Variants in NDUFAF2 observed in about 807,000 individuals in gnomAD.
NDUFAF2 encodes NADH:ubiquinone oxidoreductase complex assembly factor 2, also known as NADH dehydrogenase [ubiquinone] 1 alpha subcomplex assembly factor 2.
Under a neutral mutation model 22.8 loss-of-function variants are expected in NDUFAF2, and 13 were observed. That is an observed-to-expected ratio of 0.57 (90% CI 0.37 to 0.91). The LOEUF (loss-of-function observed/expected upper bound fraction) is 0.91, where lower values mean the gene tolerates loss of function less well. NDUFAF2 is among the 40% of genes least tolerant of loss of function. The pLI is 0.01. For synonymous variants in NDUFAF2, 53 were observed against 64.2 expected (o/e 0.83, Z 0.84); for missense variants, 162 against 195.2 (o/e 0.83, Z 1.01).
At chr5:61,105,536 A>G (rs1752751946) in intron 3 of NDUFAF2, among the ~76,000 whole-genome samples, 1 of 150,652 alleles carries the variant, frequency 6.6e-6, no homozygotes, top group Admixed American at 6.6e-5. Flanking sequence ...CCTGTTAAAC[A>G]TCATTCATTA....
At chr5:60,951,299 G>GGGATTACAGGAGTAAACCAGATGC (rs1401336458) in intron 1 of NDUFAF2, among the ~76,000 whole-genome samples, 1 of 152,134 alleles carries the variant, frequency 6.6e-6, no homozygotes, top group East Asian at 1.9e-4. Context: ...CCAAAGTGCT[G>GGGATTACAGGAGTAAACCAGATGC]GGATTACAGG....
intron 1 of NDUFAF2, among the ~76,000 whole-genome samples, chr5:61,030,763 T>C (rs1362430935): frequency 1.3e-5 from 2 of 152,110 alleles, no homozygotes; most frequent in East Asian, 3.8e-4. Flanking sequence ...CCTTTCTTTT[T>C]AAAAAATACT....
At chr5:61,024,581 A>G (rs1252673731) in intron 1 of NDUFAF2, among the ~76,000 whole-genome samples, 1 of 152,040 alleles carries the variant, frequency 6.6e-6, no homozygotes, top group Non-Finnish European at 1.5e-5. Flanking sequence ...CTGTTGAGAT[A>G]ATTGAGAAAT....
intron 1 of NDUFAF2, among the ~76,000 whole-genome samples, chr5:61,035,484 A>G (rs1751789239): frequency 6.7e-6 from 1 of 148,518 alleles, no homozygotes; most frequent in South Asian, 2.1e-4. Flanking sequence ...TATTTAAAAA[A>G]CAAAACCAAG....
chr5:61,152,805 C>G lies in NDUFAF2; in HGVS notation c.360C>G (p.Leu120=), dbSNP rs759381594. 5.5e-5 allele frequency: 88 copies of G among 1,602,106 alleles called. No homozygotes were observed. Among genetic ancestry groups the G allele is most frequent in the Middle Eastern group, 1.7e-4 (1 of 6,034 alleles). ...KLLSKETSEE[L]LPPPVQTQIK... is the part of the protein sequence containing the mutation. ...TTAGTAAAGAGACCAGTGAGGAACT[C>G]CTGCCTCCACCAGTTCAAACTCAAA... Residue 120 remains leucine (L), a synonymous_variant, in exon 4 of 4, where the codon CTC becomes CTG. Transcript: ENST00000296597.
At chr5:61,012,827 T>C (rs1012411263) in intron 1 of NDUFAF2, among the ~76,000 whole-genome samples, 11 of 152,054 alleles carry the variant, frequency 7.2e-5, no homozygotes, top group African/African-American at 2.2e-4. Context: ...TACAAAGAAA[T>C]GGGGCAAAGT....
intron 1 of NDUFAF2, among the ~76,000 whole-genome samples, chr5:61,012,474 A>G (rs895280168): frequency 5.9e-5 from 9 of 152,268 alleles, no homozygotes; most frequent in African/African-American, 1.9e-4. Flanking sequence ...GTAAATATGC[A>G]TGTGTAAATT....
intron 1 of NDUFAF2, among the ~76,000 whole-genome samples, chr5:61,057,544 A>G (rs974773155): frequency 1.3e-5 from 2 of 152,190 alleles, no homozygotes; most frequent in African/African-American, 4.8e-5. Flanking sequence ...TGAATCAATG[A>G]TTTTCACAGG....
chr5:60,963,110 T>C (rs1750713120), intron 1 of NDUFAF2, among the ~76,000 whole-genome samples: 1 of 151,900 alleles, frequency 6.6e-6, no homozygotes, highest in Admixed American at 6.6e-5. Flanking sequence ...GGGCTCAAAC[T>C]CCTGACCTCG....
At chr5:61,140,003 G>A (rs1741026234) in intron 3 of NDUFAF2, among the ~76,000 whole-genome samples, 1 of 152,176 alleles carries the variant, frequency 6.6e-6, no homozygotes, top group Non-Finnish European at 1.5e-5. Flanking sequence ...TCCCTGCCTT[G>A]TACACTCTTC....
chr5:60,948,257 T>C (rs1291445851), intron 1 of NDUFAF2, among the ~76,000 whole-genome samples: 1 of 152,234 alleles, frequency 6.6e-6, no homozygotes, highest in Non-Finnish European at 1.5e-5. Flanking sequence ...TCTCGCCCTG[T>C]CGCCCAGGCT....
chr5:61,079,064 G>A, intron 2 of NDUFAF2, among the ~76,000 whole-genome samples: 1 of 152,200 alleles, frequency 6.6e-6, no homozygotes, highest in East Asian at 1.9e-4. Flanking sequence ...CCCTGATCCA[G>A]TTAAGCTTTA....
intron 1 of NDUFAF2, among the ~76,000 whole-genome samples, chr5:60,972,024 C>T (rs932021481): frequency 3.4e-5 from 5 of 148,822 alleles, no homozygotes; most frequent in African/African-American, 1.2e-4. Context: ...CTCACTGCAA[C>T]TGCCACCTCC....
rs372149467 is a variant in NDUFAF2, at chr5:60,977,564, G to A, written c.127+32182G>A. ...CTGAATAGAAGCCACCAGGCCAGGT[G>A]TGGTGGCTCACACCAGTAATCAGCA... On this transcript the variant is annotated intron_variant, in intron 1 of 3. Coordinates refer to ENST00000296597, the MANE Select transcript of NDUFAF2 (RefSeq NM_174889.5). Among the ~76,000 whole-genome samples, 235 of 152,230 alleles carry A rather than the reference G, an allele frequency of 1.5e-3. 1 individual carries two copies. The highest frequency in any genetic ancestry group is 5.5e-3 in the African/African-American group (228 of 41,564).
intron 3 of NDUFAF2, among the ~76,000 whole-genome samples, chr5:61,152,286 G>A (rs1014804882): frequency 2.0e-5 from 3 of 149,838 alleles, no homozygotes; most frequent in Non-Finnish European, 4.4e-5. Context: ...CATCTGAATG[G>A]CAAAGAAAAA....
At chr5:60,984,768 T>G (rs1329921732) in intron 1 of NDUFAF2, among the ~76,000 whole-genome samples, 1 of 152,174 alleles carries the variant, frequency 6.6e-6, no homozygotes, top group Non-Finnish European at 1.5e-5. Flanking sequence ...TGGATAAGCT[T>G]TTTGATGTGC....
chr5:61,138,229 T>C (rs75234090), intron 3 of NDUFAF2, among the ~76,000 whole-genome samples: 1 of 150,052 alleles, frequency 6.7e-6, no homozygotes, highest in Non-Finnish European at 1.5e-5. Flanking sequence ...CTGATTTCTA[T>C]GTGGACATTA....
intron 1 of NDUFAF2, among the ~76,000 whole-genome samples, chr5:61,026,328 G>A (rs755906223): frequency 6.6e-6 from 1 of 151,994 alleles, no homozygotes; most frequent in Non-Finnish European, 1.5e-5. Context: ...GGTAATAAGG[G>A]TTTACACTGA....
intron 3 of NDUFAF2, among the ~76,000 whole-genome samples, chr5:61,148,066 CA>C (rs1741167892): frequency 6.6e-6 from 1 of 152,186 alleles, no homozygotes; most frequent in Admixed American, 6.5e-5. Flanking sequence ...GGTTACTATG[CA>C]GATTTCTAAA....
Sources: allele counts gnomAD v4.1 joint callset (sites outside exome capture counted in the v4.1 genomes callset), GRCh38; gene constraint gnomAD v4.1.1; transcripts MANE v1.5; gene names NCBI Gene and HGNC (gene_info 2026-07-23, HGNC 2026-07-21).